CCSER1: variants seen among roughly 807,000 people sequenced by gnomAD.
The protein encoded by CCSER1 is coiled-coil serine rich protein 1, also known as serine-rich coiled-coil domain-containing protein 1.
A neutral mutation model predicts 82.0 loss-of-function variants in CCSER1; 41 were observed. The ratio of observed to expected loss-of-function variants is 0.50; its 90% confidence interval spans 0.39 to 0.65. The LOEUF is 0.65. Ranked by LOEUF, CCSER1 falls within the 30% of genes least tolerant of loss-of-function variation. The pLI is 0.00. For missense variants in CCSER1, 1,119 were observed against 1,064.2 expected, an observed-to-expected ratio of 1.05 and a Z score of -0.72; for synonymous variants, 414 against 383.9, an observed-to-expected ratio of 1.08 and a Z score of -0.92.
chr4:90,423,839 C>A (rs924457641), intron 4 of CCSER1, among the ~76,000 whole-genome samples: 1 of 151,398 alleles, frequency 6.6e-6, no homozygotes, highest in African/African-American at 2.4e-5. Flanking sequence ...CGTGGTGGCT[C>A]ACGCCTGTAA....
intron 3 of CCSER1, among the ~76,000 whole-genome samples, chr4:90,372,613 G>A (rs145322687): frequency 4.0e-3 from 616 of 152,224 alleles, no homozygotes; most frequent in Admixed American, 6.5e-3. Flanking sequence ...AGCCGGGCCT[G>A]GTGGCAGGCA....
At chr4:91,138,068 A>G (rs1425591962) in intron 10 of CCSER1, among the ~76,000 whole-genome samples, 1 of 72,540 alleles carries the variant, frequency 1.4e-5, no homozygotes, top group Non-Finnish European at 3.3e-5. Flanking sequence ...CTTTCTTCAC[A>G]GAATTGGAAA....
At chr4:90,636,072 T>G (rs1725366110) in intron 6 of CCSER1, among the ~76,000 whole-genome samples, 1 of 151,556 alleles carries the variant, frequency 6.6e-6, no homozygotes, top group African/African-American at 2.4e-5. Context: ...TATAGAAAAA[T>G]TAAGAAACAT....
chr4:91,482,258 C>G (rs1298040751), intron 10 of CCSER1, among the ~76,000 whole-genome samples: 1 of 123,878 alleles, frequency 8.1e-6, no homozygotes, highest in African/African-American at 3.2e-5. Context: ...AAAAATTAGC[C>G]GGGCGCGGTG....
chr4:91,068,938 T>C (rs1721132453), intron 9 of CCSER1, among the ~76,000 whole-genome samples: 1 of 152,120 alleles, frequency 6.6e-6, no homozygotes, highest in African/African-American at 2.4e-5. Flanking sequence ...ATCCCAGCAC[T>C]TTGGGAGGCT....
chr4:90,755,863 C>T (rs988503237), intron 7 of CCSER1, among the ~76,000 whole-genome samples: 1 of 152,188 alleles, frequency 6.6e-6, no homozygotes, highest in Non-Finnish European at 1.5e-5. Context: ...AAGGAATTTA[C>T]ACTTCTAAAG....
chr4:90,601,177 C>T (rs746814918), intron 5 of CCSER1, among the ~76,000 whole-genome samples: 3 of 151,986 alleles, frequency 2.0e-5, no homozygotes, highest in African/African-American at 4.8e-5. Context: ...AGGCTAGAGT[C>T]TTCAGTACAA....
chr4:91,297,438 G>A (rs1744304806), intron 10 of CCSER1, among the ~76,000 whole-genome samples: 1 of 148,796 alleles, frequency 6.7e-6, no homozygotes, highest in African/African-American at 2.5e-5. Context: ...GGAGACAGAT[G>A]TGGATAAGGA....
intron 5 of CCSER1, among the ~76,000 whole-genome samples, chr4:90,560,892 A>G (rs1778686340): frequency 6.6e-6 from 1 of 152,216 alleles, no homozygotes; most frequent in Non-Finnish European, 1.5e-5. Context: ...GTTGTTTAAA[A>G]AGCTTTATGA....
chr4:91,214,772 T>TAAA (rs1737112861), intron 10 of CCSER1, among the ~76,000 whole-genome samples: 2 of 152,170 alleles, frequency 1.3e-5, no homozygotes, highest in African/African-American at 4.8e-5. Context: ...TAACAAGGGC[T>TAAA]TATTGGAAAG....
chr4:91,143,254 AT>A (rs34900415), intron 10 of CCSER1, among the ~76,000 whole-genome samples: 31,789 of 145,448 alleles, frequency 0.22, 3,638 homozygotes, highest in East Asian at 0.41. Context: ...TGTGAATTTG[AT>A]TTTTTTTTTT....
At chr4:91,230,631 A>G (rs1027277149) in intron 10 of CCSER1, among the ~76,000 whole-genome samples, 3 of 151,936 alleles carry the variant, frequency 2.0e-5, no homozygotes, top group Admixed American at 6.6e-5. Flanking sequence ...GTGTGGAGGA[A>G]AAAAAACACA....
intron 5 of CCSER1, among the ~76,000 whole-genome samples, chr4:90,568,908 C>T (rs1435577397): frequency 4.6e-5 from 7 of 151,928 alleles, no homozygotes; most frequent in Non-Finnish European, 8.8e-5. Context: ...GCTGGGATTA[C>T]AGGCGCCCAC....
At chr4:90,886,598 T>C in intron 8 of CCSER1, among the ~76,000 whole-genome samples, 1 of 152,306 alleles carries the variant, frequency 6.6e-6, no homozygotes, top group African/African-American at 2.4e-5. Context: ...GTAAAAATTG[T>C]AATAAAAATA....
At chr4:90,654,429 A>C (rs1408478529) in intron 6 of CCSER1, among the ~76,000 whole-genome samples, 1 of 151,972 alleles carries the variant, frequency 6.6e-6, no homozygotes, top group Non-Finnish European at 1.5e-5. Flanking sequence ...ACTAAATTCT[A>C]ATTCTTATAG....
chr4:91,110,067 G>A (rs189648748), intron 10 of CCSER1, among the ~76,000 whole-genome samples: 14 of 152,034 alleles, frequency 9.2e-5, no homozygotes, highest in Middle Eastern at 3.4e-3. Context: ...AAGAAATTTA[G>A]CAATTTTAAC....
At chr4:91,438,428 T>A (rs1379742824) in intron 10 of CCSER1, among the ~76,000 whole-genome samples, 1 of 152,182 alleles carries the variant, frequency 6.6e-6, no homozygotes, top group Non-Finnish European at 1.5e-5. Context: ...GGGTCCTGTC[T>A]GTTAGAAGGA....
At chr4:91,061,055 T>C (rs1366365976) in intron 9 of CCSER1, among the ~76,000 whole-genome samples, 2 of 152,070 alleles carry the variant, frequency 1.3e-5, no homozygotes, top group African/African-American at 4.8e-5. Flanking sequence ...TGATTGTTAG[T>C]GAAAATGAAC....
intron 7 of CCSER1, among the ~76,000 whole-genome samples, chr4:90,748,531 T>C (rs1326925862): frequency 3.4e-5 from 5 of 148,988 alleles, no homozygotes; most frequent in Non-Finnish European, 7.5e-5. Flanking sequence ...GCACGATTTA[T>C]AGTCCTTTGG....
Sources: gnomAD v4.1 joint callset for allele counts (sites outside exome capture counted in the v4.1 genomes callset) on GRCh38, gnomAD v4.1.1 for gene constraint, MANE v1.5 for transcripts, NCBI Gene and HGNC (gene_info 2026-07-23, HGNC 2026-07-21) for gene names.